PTGIS: variants seen among roughly 807,000 people sequenced by gnomAD.
The protein encoded by PTGIS is prostacyclin synthase.
PTGIS carries 45 observed loss-of-function variants against 50.3 expected under a neutral mutation model. The observed-to-expected ratio is 0.90, with a 90% confidence interval of 0.70 to 1.15. The LOEUF is 1.15. Ranked by LOEUF, PTGIS falls within the 50% of genes most tolerant of loss-of-function variation. The probability of loss-of-function intolerance (pLI) is 0.00; values close to 1 mark genes in which losing one functional copy is unlikely to be tolerated. For missense variants in PTGIS, 668 were observed against 661.3 expected, an observed-to-expected ratio of 1.01 and a Z score of -0.11; for synonymous variants, 260 against 267.7, an observed-to-expected ratio of 0.97 and a Z score of 0.28.
intron 1 of PTGIS, among the ~76,000 whole-genome samples, chr20:49,562,843 C>G (rs1176479943): frequency 6.6e-6 from 1 of 152,356 alleles, no homozygotes; most frequent in South Asian, 2.1e-4. Flanking sequence ...TGGGATGTCA[C>G]CCGCCTCCAT....
chr20:49,511,241 A>G, intron 8 of PTGIS, 62 bp from the exon 9 acceptor site: 1 of 1,580,728 alleles, frequency 6.3e-7, no homozygotes, highest in Non-Finnish European at 8.7e-7. Flanking sequence ...ACCAAGAAAA[A>G]TGTATGAGGA....
chr20:49,534,621 A>C (rs975633664), intron 5 of PTGIS, among the ~76,000 whole-genome samples: 6 of 151,874 alleles, frequency 4.0e-5, no homozygotes, highest in Non-Finnish European at 7.4e-5. Context: ...AGGATTTTGC[A>C]GACAGACAGA....
At chr20:49,509,312 C>T (rs1006962652) in intron 9 of PTGIS, among the ~76,000 whole-genome samples, 19 of 152,184 alleles carry the variant, frequency 1.2e-4, no homozygotes, top group Non-Finnish European at 2.4e-4. Context: ...TGCCTAGACT[C>T]GGTTTTAGAT....
intron 1 of PTGIS, among the ~76,000 whole-genome samples, chr20:49,560,717 A>G (rs1454132111): frequency 6.6e-6 from 1 of 152,178 alleles, no homozygotes; most frequent in Non-Finnish European, 1.5e-5. Context: ...CAGCAAGTGC[A>G]AAGGTACTGG....
At chr20:49,560,395 A>G (rs1260445765) in intron 1 of PTGIS, among the ~76,000 whole-genome samples, 1 of 151,292 alleles carries the variant, frequency 6.6e-6, no homozygotes, top group Non-Finnish European at 1.5e-5. Flanking sequence ...TTATAGAGAC[A>G]GGGTCTTGAT....
intron 1 of PTGIS, among the ~76,000 whole-genome samples, chr20:49,553,795 G>T (rs944406757): frequency 6.6e-6 from 1 of 151,924 alleles, no homozygotes; most frequent in Non-Finnish European, 1.5e-5. Context: ...TATATGGAAA[G>T]AATCCCGTAA....
intron 1 of PTGIS, among the ~76,000 whole-genome samples, chr20:49,567,063 ACT>A (rs960537233): frequency 4.6e-5 from 7 of 152,170 alleles, no homozygotes; most frequent in African/African-American, 1.7e-4. Flanking sequence ...TTCTACCCAG[ACT>A]CAGCAACAGG....
At position 49,512,154 on chromosome 20, in the gene PTGIS, T is replaced by C. The variant is rs1185822965; in HGVS notation, c.1206+926A>G. On this transcript the variant is annotated intron_variant, in intron 8 of 9. Coordinates refer to ENST00000244043, the MANE Select transcript of PTGIS (RefSeq NM_000961.4). Reference sequence around the variant, plus strand: ...GTGGGTGGATGAAAGAGTAGCTTCATGGGTGGATGGATGGATGGATGGGTG... The same window carrying C: ...GTGGGTGGATGAAAGAGTAGCTTCACGGGTGGATGGATGGATGGATGGGTG... Among the ~76,000 whole-genome samples, 5 of 151,088 alleles carry C rather than the reference T, an allele frequency of 3.3e-5. No homozygotes were observed. In the East Asian group the frequency reaches 7.8e-4, roughly 24 times the overall value.
At chr20:49,538,979 G>A (rs1417107633) in intron 5 of PTGIS, among the ~76,000 whole-genome samples, 2 of 152,060 alleles carry the variant, frequency 1.3e-5, no homozygotes, top group Admixed American at 1.3e-4. Flanking sequence ...ACTGCACCTG[G>A]CCTCTCAGTG....
intron 7 of PTGIS, among the ~76,000 whole-genome samples, chr20:49,513,881 G>A (rs537121008): frequency 6.6e-6 from 1 of 152,222 alleles, no homozygotes; most frequent in Non-Finnish European, 1.5e-5. Flanking sequence ...AGCCAACCCA[G>A]TGGGAAACAG....
intron 1 of PTGIS, among the ~76,000 whole-genome samples, chr20:49,559,713 G>C (rs1982716577): frequency 2.0e-5 from 3 of 152,086 alleles, no homozygotes; most frequent in Admixed American, 2.0e-4. Flanking sequence ...GCCACATATT[G>C]TATTAATTCA....
At chr20:49,566,445 A>G (rs1982902594) in intron 1 of PTGIS, among the ~76,000 whole-genome samples, 1 of 152,264 alleles carries the variant, frequency 6.6e-6, no homozygotes, top group Non-Finnish European at 1.5e-5. Flanking sequence ...CCTGACAGGA[A>G]AAATAATTCA....
In PTGIS at chr20:49,513,251, C is replaced by T; in HGVS notation, c.1035G>A (p.Leu345=). Residue 345 remains leucine (L), a synonymous_variant, in exon 8 of 10, where the codon CTG becomes CTA. Coordinates refer to ENST00000244043, the MANE Select transcript of PTGIS (RefSeq NM_000961.4). ...CAGCTGTAAGCCTGAGGCTCTCACTCAGCACGCTATCTGCATGGGGCAGGT... is the reference window on the plus strand; with the variant it reads ...CAGCTGTAAGCCTGAGGCTCTCACTTAGCACGCTATCTGCATGGGGCAGGT... ...LDSTPVLDSV[L]SESLRLTAAP... is the part of the protein sequence containing the mutation. The T allele has an allele frequency of 6.2e-7, 1 of 1,613,628 alleles. No homozygotes were observed. The highest frequency in any genetic ancestry group is 8.5e-7 in the Non-Finnish European group (1 of 1,179,986).
chr20:49,559,359 T>C (rs1295444398), intron 1 of PTGIS, among the ~76,000 whole-genome samples: 1 of 152,078 alleles, frequency 6.6e-6, no homozygotes, highest in Non-Finnish European at 1.5e-5. Flanking sequence ...AACGCCCTGG[T>C]CTGTCTATGG....
At chr20:49,530,828 C>T (rs960606928) in intron 5 of PTGIS, among the ~76,000 whole-genome samples, 1 of 152,118 alleles carries the variant, frequency 6.6e-6, no homozygotes, top group South Asian at 2.1e-4. Context: ...GGCGTGATCT[C>T]GGCTCACTGC....
chr20:49,543,882 T>C (rs565845106), intron 4 of PTGIS, among the ~76,000 whole-genome samples: 2 of 152,362 alleles, frequency 1.3e-5, no homozygotes, highest in East Asian at 3.9e-4. Flanking sequence ...CCTGGATTAG[T>C]GCCCGGCACT....
chr20:49,537,361 A>T (rs775201228), intron 5 of PTGIS, among the ~76,000 whole-genome samples: 9 of 152,242 alleles, frequency 5.9e-5, no homozygotes, highest in Non-Finnish European at 1.2e-4. Flanking sequence ...CAGATGAGGT[A>T]GATTTTTACA....
At chr20:49,527,525 G>A (rs571165629) in intron 5 of PTGIS, among the ~76,000 whole-genome samples, 128 of 152,164 alleles carry the variant, frequency 8.4e-4, no homozygotes, top group Middle Eastern at 3.4e-3. Context: ...TATACTATTC[G>A]ACAGAAAGTA....
rs766376189 is a variant in PTGIS at position 49,544,328 on chromosome 20, G to T, written c.498C>A (p.Asp166Glu). The T allele has an allele frequency of 5.6e-6, 9 of 1,614,186 alleles. No homozygotes were observed. Among genetic ancestry groups the T allele is most frequent in the Non-Finnish European group, 7.6e-6 (9 of 1,180,038 alleles). The change falls in exon 4 of 10, where the codon GAC (aspartate) becomes GAA (glutamate). Residue 166 changes from aspartate (D) to glutamate (E), a missense_variant. Physicochemically the swap from Asp to Glu is conservative, Grantham distance 45. Transcript: ENST00000244043. Reference sequence around the variant, plus strand: ...ACCTGAGCAGGAAGCTGTAGGAGAAGTCGAGGAGACCCATCTCGTGCCAGC... The same window carrying T: ...ACCTGAGCAGGAAGCTGTAGGAGAATTCGAGGAGACCCATCTCGTGCCAGC... ...GSGWHEMGLL[D>E]FSYSFLLRAG...
Sources: allele counts gnomAD v4.1 joint callset (sites outside exome capture counted in the v4.1 genomes callset), GRCh38; gene constraint gnomAD v4.1.1; transcripts MANE v1.5; gene names NCBI Gene and HGNC (gene_info 2026-07-23, HGNC 2026-07-21).